Variants in ITPR2 observed in about 807,000 individuals in gnomAD.
ITPR2 encodes the protein inositol 1,4,5-trisphosphate receptor type 2.
In ITPR2, 207 loss-of-function variants were observed where a neutral mutation model predicts 317.1. The ratio of observed to expected loss-of-function variants is 0.65; its 90% CI spans 0.58 to 0.73. ITPR2 has a LOEUF of 0.73. ITPR2 is among the 30% of genes least tolerant of loss of function. The pLI, the probability that ITPR2 is intolerant of heterozygous loss-of-function variation, is 0.00. For missense variants in ITPR2, 2,613 were observed against 3,284.0 expected, an observed-to-expected ratio of 0.80 and a Z score of 4.99; for synonymous variants, 1,156 against 1,149.1, an observed-to-expected ratio of 1.01 and a Z score of -0.12.
At chr12:26,786,705 A>G (rs1430794615) in intron 2 of ITPR2, among the ~76,000 whole-genome samples, 1 of 152,214 alleles carries the variant, frequency 6.6e-6, no homozygotes, top group Non-Finnish European at 1.5e-5. Flanking sequence ...ACAGTCAAAA[A>G]CATTGGAGGA....
At chr12:26,772,667 T>A (rs1255647070) in intron 2 of ITPR2, among the ~76,000 whole-genome samples, 1 of 150,422 alleles carries the variant, frequency 6.6e-6, no homozygotes, top group East Asian at 1.9e-4. Context: ...ATACACTGAA[T>A]TGCACATGGT....
chr12:26,679,875 A>C (rs1947996608), intron 13 of ITPR2, among the ~76,000 whole-genome samples: 1 of 152,118 alleles, frequency 6.6e-6, no homozygotes, highest in Non-Finnish European at 1.5e-5. Flanking sequence ...TTTCTGAGAA[A>C]TATATTACCA....
chr12:26,504,249 A>T (rs140522285), intron 37 of ITPR2, among the ~76,000 whole-genome samples: 62 of 152,332 alleles, frequency 4.1e-4, no homozygotes, highest in African/African-American at 1.5e-3. Context: ...TATCAGCAAC[A>T]ATTGTTCATT....
chr12:26,832,782 G>A lies in ITPR2; in HGVS notation c.-1C>T. On this transcript the variant is annotated 5_prime_UTR_variant, in exon 1 of 57. Coordinates refer to ENST00000381340, the MANE Select transcript of ITPR2 (RefSeq NM_002223.4). ...GGAAGCTGGACATTTTCTCAGTCAT[G>A]CTGCTTCATGTTCCACAGTGGACGT... The A allele has an allele frequency of 6.3e-7, 1 of 1,598,294 alleles. No individual in the cohort carries two copies. The highest frequency in any genetic ancestry group is 1.7e-5 in the Admixed American group (1 of 58,646).
intron 2 of ITPR2, among the ~76,000 whole-genome samples, chr12:26,754,901 A>T (rs1243554632): frequency 1.3e-5 from 2 of 152,232 alleles, no homozygotes; most frequent in African/African-American, 4.8e-5. Context: ...ACTGATTAAG[A>T]TTGAATACAT....
At chr12:26,603,855 A>T (rs1946059652) in intron 26 of ITPR2, among the ~76,000 whole-genome samples, 1 of 152,226 alleles carries the variant, frequency 6.6e-6, no homozygotes, top group Non-Finnish European at 1.5e-5. Flanking sequence ...GACAGGGTCC[A>T]TCGCAAAGAT....
intron 24 of ITPR2, among the ~76,000 whole-genome samples, chr12:26,622,870 G>C (rs907719858): frequency 2.0e-5 from 3 of 152,158 alleles, no homozygotes; most frequent in African/African-American, 7.2e-5. Flanking sequence ...CAGGTGTGGC[G>C]TATGAGGACT....
intron 26 of ITPR2, among the ~76,000 whole-genome samples, chr12:26,614,421 C>A (rs1946332841): frequency 6.6e-6 from 1 of 152,170 alleles, no homozygotes; most frequent in Non-Finnish European, 1.5e-5. Context: ...CCCCTGCCAA[C>A]AGGCAAAGGC....
chr12:26,761,969 G>C (rs1274827602), intron 2 of ITPR2, among the ~76,000 whole-genome samples: 1 of 152,082 alleles, frequency 6.6e-6, no homozygotes. Flanking sequence ...ATTCCATAAA[G>C]GGCTTTAACA....
intron 45 of ITPR2, among the ~76,000 whole-genome samples, chr12:26,470,636 C>T (rs1942273377): frequency 6.6e-6 from 1 of 152,158 alleles, no homozygotes; most frequent in African/African-American, 2.4e-5. Flanking sequence ...ATTCACTCAG[C>T]AAACATTGTT....
chr12:26,585,451 G>A (rs891287990), intron 32 of ITPR2, among the ~76,000 whole-genome samples: 2 of 152,182 alleles, frequency 1.3e-5, no homozygotes, highest in South Asian at 2.1e-4. Context: ...CTGTCACCCA[G>A]GTTGGAGTGC....
intron 34 of ITPR2, among the ~76,000 whole-genome samples, chr12:26,575,469 C>A (rs1292218134): frequency 6.6e-6 from 1 of 151,704 alleles, no homozygotes; most frequent in African/African-American, 2.4e-5. Flanking sequence ...ATTTCCAGAG[C>A]CTTAACTGTT....
At chr12:26,713,122 C>T (rs929122675) in intron 8 of ITPR2, among the ~76,000 whole-genome samples, 3 of 152,192 alleles carry the variant, frequency 2.0e-5, no homozygotes, top group Non-Finnish European at 2.9e-5. Flanking sequence ...CTACAAGGTG[C>T]GTGGGTAAGG....
At chr12:26,746,030 A>G (rs1316739510) in intron 2 of ITPR2, among the ~76,000 whole-genome samples, 2 of 152,112 alleles carry the variant, frequency 1.3e-5, no homozygotes, top group Non-Finnish European at 2.9e-5. Context: ...ATAGATCCTC[A>G]TCTCCCCACC....
chr12:26,786,477 A>C (rs1950252300), intron 2 of ITPR2, among the ~76,000 whole-genome samples: 2 of 150,970 alleles, frequency 1.3e-5, no homozygotes, highest in African/African-American at 4.9e-5. Flanking sequence ...AAAATGGAGA[A>C]TATTTGATCA....
chr12:26,716,610 G>C (rs1474060696), intron 5 of ITPR2, among the ~76,000 whole-genome samples: 1 of 152,042 alleles, frequency 6.6e-6, no homozygotes, highest in Admixed American at 6.6e-5. Context: ...CCACAAAAAA[G>C]TAATCTATCC....
intron 37 of ITPR2, among the ~76,000 whole-genome samples, chr12:26,500,380 G>GA (rs35991141): frequency 0.42 from 64,028 of 152,006 alleles, 14,977 homozygotes; most frequent in Non-Finnish European, 0.53. Flanking sequence ...CACCACAGTT[G>GA]AGAAGTTTGA....
At chr12:26,821,940 G>A (rs1458452041) in intron 1 of ITPR2, among the ~76,000 whole-genome samples, 1 of 152,114 alleles carries the variant, frequency 6.6e-6, no homozygotes, top group Non-Finnish European at 1.5e-5. Flanking sequence ...AACCAGTTTT[G>A]TTTTGGGTTT....
At chr12:26,356,415 A>G (rs1442307662) in intron 55 of ITPR2, among the ~76,000 whole-genome samples, 1 of 152,252 alleles carries the variant, frequency 6.6e-6, no homozygotes, top group African/African-American at 2.4e-5. Context: ...AATTCCCAGG[A>G]GACAAGTGAG....
Sources: allele counts gnomAD v4.1 joint callset (sites outside exome capture counted in the v4.1 genomes callset), GRCh38; gene constraint gnomAD v4.1.1; transcripts MANE v1.5; gene names NCBI Gene and HGNC (gene_info 2026-07-23, HGNC 2026-07-21).